Variants in AFG2A observed in about 807,000 individuals in gnomAD.
AFG2A encodes AAA ATPase AFG2A.
chr4:123,154,486 C>T, the AFG2A span, among the ~76,000 whole-genome samples: 1 of 152,096 alleles, frequency 6.6e-6, no homozygotes, highest in South Asian at 2.1e-4. Context: ...GGTGATACTG[C>T]CCTATACAGG....
chr4:123,128,809 C>A, the AFG2A span, among the ~76,000 whole-genome samples: 3 of 151,950 alleles, frequency 2.0e-5, no homozygotes, highest in Non-Finnish European at 4.4e-5. Context: ...GGTTCTTTTT[C>A]TTCTTCTTCT....
the AFG2A span, among the ~76,000 whole-genome samples, chr4:123,234,620 A>G: frequency 6.6e-6 from 1 of 152,160 alleles, no homozygotes; most frequent in African/African-American, 2.4e-5. Flanking sequence ...ATGTCCTGTG[A>G]TTCTCTAATT....
chr4:123,092,973 G>A, the AFG2A span, among the ~76,000 whole-genome samples: 1 of 152,112 alleles, frequency 6.6e-6, no homozygotes, highest in African/African-American at 2.4e-5. Context: ...TAGCCTTATT[G>A]AGGAAAAATC....
At chr4:123,167,264 A>G in the AFG2A span, among the ~76,000 whole-genome samples, 1 of 149,792 alleles carries the variant, frequency 6.7e-6, no homozygotes, top group Non-Finnish European at 1.5e-5. Context: ...ATATGTAGGT[A>G]TCTATATATA....
chr4:123,173,340 G>GTTTTTTTTTTTTTTTTTTTTTT, the AFG2A span, among the ~76,000 whole-genome samples: 1 of 70,272 alleles, frequency 1.4e-5, no homozygotes, highest in Non-Finnish European at 2.4e-5. Flanking sequence ...AAGTCCAATG[G>GTTTTTTTTTTTTTTTTTTTTTT]TTTTTTTTTT....
the AFG2A span, among the ~76,000 whole-genome samples, chr4:123,012,129 G>A: frequency 1.0e-4 from 15 of 145,746 alleles, no homozygotes; most frequent in African/African-American, 3.3e-4. Context: ...GGAGAGAAGC[G>A]GTGGGGATGC....
the AFG2A span, among the ~76,000 whole-genome samples, chr4:123,225,728 T>A: frequency 1.3e-5 from 2 of 152,198 alleles, no homozygotes; most frequent in Non-Finnish European, 2.9e-5. Context: ...TTTCAAGTAG[T>A]TTTTTCCAAT....
the AFG2A span, among the ~76,000 whole-genome samples, chr4:122,981,458 T>A: frequency 9.7e-6 from 1 of 103,220 alleles, no homozygotes; most frequent in Non-Finnish European, 1.9e-5. Flanking sequence ...GTGTGATGCC[T>A]ACAGCTTTTT....
chr4:123,202,142 A>C, the AFG2A span, among the ~76,000 whole-genome samples: 15 of 152,162 alleles, frequency 9.9e-5, no homozygotes, highest in Non-Finnish European at 1.0e-4. Context: ...TTAGTGGTTT[A>C]TGCTGGGGTT....
At chr4:123,293,869 G>C in the AFG2A span, among the ~76,000 whole-genome samples, 1 of 152,188 alleles carries the variant, frequency 6.6e-6, no homozygotes. Context: ...CTGGGGGTTT[G>C]ACCTCTGCCA....
chr4:123,234,935 G>A, the AFG2A span, among the ~76,000 whole-genome samples: 2 of 152,090 alleles, frequency 1.3e-5, no homozygotes, highest in African/African-American at 4.8e-5. Flanking sequence ...CCGGGCTGTT[G>A]TGCAGATTAA....
chr4:123,060,986 C>T, the AFG2A span, among the ~76,000 whole-genome samples: 1 of 152,192 alleles, frequency 6.6e-6, no homozygotes, highest in South Asian at 2.1e-4. Flanking sequence ...CCACCAGTCT[C>T]TTTGTATAGC....
chr4:123,007,521 T>C, the AFG2A span, among the ~76,000 whole-genome samples: 3 of 148,524 alleles, frequency 2.0e-5, no homozygotes, highest in Non-Finnish European at 4.5e-5. Flanking sequence ...TATTAAATTC[T>C]CCATGCCTAT....
the AFG2A span, chr4:122,927,543 A>G: frequency 7.8e-7 from 1 of 1,288,812 alleles, no homozygotes; most frequent in East Asian, 2.4e-5. Flanking sequence ...ATGTGGTTAT[A>G]TGGTTAGAGT....
chr4:123,195,139 TAGTC>T, the AFG2A span, among the ~76,000 whole-genome samples: 7 of 152,284 alleles, frequency 4.6e-5, no homozygotes, highest in South Asian at 1.0e-3. Context: ...ACATGCCAGT[TAGTC>T]AATTAAAAAA....
the AFG2A span, among the ~76,000 whole-genome samples, chr4:123,214,643 C>G: frequency 6.6e-6 from 1 of 151,646 alleles, no homozygotes; most frequent in Admixed American, 6.6e-5. Context: ...TCTATTTTAC[C>G]ATTTACTAAC....
chr4:123,272,232 A>G, the AFG2A span, among the ~76,000 whole-genome samples: 1 of 152,098 alleles, frequency 6.6e-6, no homozygotes, highest in East Asian at 1.9e-4. Flanking sequence ...CAGATAATCC[A>G]TTCTCTTTGT....
chr4:122,956,702 C>T, the AFG2A span, among the ~76,000 whole-genome samples: 2 of 152,146 alleles, frequency 1.3e-5, no homozygotes, highest in Admixed American at 6.5e-5. Flanking sequence ...GTGATCTCGG[C>T]TCACTGCAAG....
chr4:123,161,923 A>T, the AFG2A span, among the ~76,000 whole-genome samples: 10 of 152,188 alleles, frequency 6.6e-5, no homozygotes, highest in Admixed American at 2.0e-4. Flanking sequence ...TTTTAGAGAA[A>T]CATGAACAAG....
Sources: gnomAD v4.1 joint callset for allele counts (sites outside exome capture counted in the v4.1 genomes callset) on GRCh38, gnomAD v4.1.1 for gene constraint, MANE v1.5 for transcripts, NCBI Gene and HGNC (gene_info 2026-07-23, HGNC 2026-07-21) for gene names.